SLC38A7: variants seen among roughly 807,000 people sequenced by gnomAD.
SLC38A7 encodes the protein solute carrier family 38 member 7.
A neutral mutation model predicts 50.1 loss-of-function variants in SLC38A7; 29 were observed. That is an observed-to-expected ratio of 0.58 (90% CI 0.43 to 0.79). The LOEUF (loss-of-function observed/expected upper bound fraction) is 0.79, where lower values mean the gene tolerates loss of function less well. SLC38A7 is among the 30% of genes least tolerant of loss of function. The pLI, the probability that SLC38A7 is intolerant of heterozygous loss-of-function variation, is 0.00. For missense variants in SLC38A7, 483 were observed against 610.6 expected (o/e 0.79, Z 2.20); for synonymous variants, 244 against 245.9 (o/e 0.99, Z 0.07).
At chr16:58,679,709 CTAGAA>C in intron 3 of SLC38A7, 143 bp downstream of exon 3, 1 of 1,060,254 alleles carries the variant, frequency 9.4e-7, no homozygotes, top group South Asian at 1.5e-5. Context: ...GGAAAGAATA[CTAGAA>C]TAGATTAGTC....
chr16:58,680,336 G>A, intron 2 of SLC38A7, 95 bp from the exon 3 acceptor site: 1 of 491,036 alleles, frequency 2.0e-6, no homozygotes, highest in Non-Finnish European at 3.4e-6. Flanking sequence ...ACATGGGTAG[G>A]GTCCAAACCC....
rs1008356836 is a variant in SLC38A7 at position 58,669,713 on chromosome 16, G to A, written c.1286+400C>T. ...AACCTGGCTGGGTGTGGTGGCTCAC[G>A]CCTGTAATGCCAGCACTTTGGGAGG... On this transcript the variant is annotated intron_variant, in intron 11 of 11. Coordinates refer to ENST00000219320, the MANE Select transcript of SLC38A7 (RefSeq NM_018231.3). 5.5e-4 allele frequency among the ~76,000 whole-genome samples: 64 copies of A among 117,340 alleles called. 1 individual carries two copies. Among genetic ancestry groups the A allele is most frequent in the African/African-American group, 1.8e-3 (59 of 32,158 alleles). 77.0% of individuals were successfully genotyped at this position (117,340 alleles called of 152,430 possible).
intron 2 of SLC38A7, among the ~76,000 whole-genome samples, chr16:58,680,802 C>T (rs2044373581): frequency 6.6e-6 from 1 of 152,160 alleles, no homozygotes; most frequent in Non-Finnish European, 1.5e-5. Flanking sequence ...AAATTCAGGC[C>T]AATTCTCGAC....
chr16:58,678,434 G>T lies in SLC38A7; in HGVS notation c.510C>A (p.Gly170=). The T allele has an allele frequency of 6.3e-7, 1 of 1,582,660 alleles. No individual in the cohort carries two copies. The highest frequency in any genetic ancestry group is 1.2e-5 in the South Asian group (1 of 86,316). Residue 170 remains glycine (G), a synonymous_variant, in exon 5 of 12, where the codon GGC becomes GGA. Transcript: ENST00000219320. The surrounding 1 kb of genome is among the most constrained non-coding windows in gnomAD (Gnocchi z 4.0). The part of the protein sequence containing the change: ...VMAKEPEGAS[G]PWYTDRKFTI... The stretch of plus-strand genomic sequence containing the variant: ...TGAACTTGCGGTCTGTGTACCAAGG[G>T]CCGCTGGCCCCCTCCGGCTCTTTCG...
In SLC38A7 at chr16:58,672,257, C is replaced by A. The variant is rs537669488; in HGVS notation, c.884-14G>T. ...AGCCACAGATGCCTGTGGGCAGGGA[C>A]AACTGGGTCAGGGCAACCCTGGGAG... On this transcript the variant is annotated splice_polypyrimidine_tract_variant and intron_variant, in intron 8 of 11. Transcript: ENST00000219320. The A allele has an allele frequency of 1.9e-6, 3 of 1,574,330 alleles. No homozygotes were observed. The highest frequency in any genetic ancestry group is 2.3e-5 in the East Asian group (1 of 42,896).
At chr16:58,682,449 C>T (rs2044411516) in intron 2 of SLC38A7, among the ~76,000 whole-genome samples, 2 of 152,024 alleles carry the variant, frequency 1.3e-5, no homozygotes, top group Non-Finnish European at 2.9e-5. Flanking sequence ...AATCTCTACT[C>T]CCTCCCTGGT....
At chr16:58,673,946 C>T (rs573061004) in intron 8 of SLC38A7, among the ~76,000 whole-genome samples, 5 of 152,078 alleles carry the variant, frequency 3.3e-5, no homozygotes, top group Non-Finnish European at 7.4e-5. Flanking sequence ...ATGCCTTAGC[C>T]TCCCGAGTAG....
At chr16:58,679,006 A>C in intron 3 of SLC38A7, 112 bp from the exon 4 acceptor site, 443 of 1,063,742 alleles carry the variant, frequency 4.2e-4, no homozygotes, top group Non-Finnish European at 5.4e-4. Context: ...GGCAAATCTC[A>C]CAAAGGCAAT....
chr16:58,672,305 T>G, intron 8 of SLC38A7, 62 bp from the exon 9 acceptor site: 1 of 1,497,562 alleles, frequency 6.7e-7, no homozygotes, highest in East Asian at 2.5e-5. Flanking sequence ...GACTGTCCAC[T>G]CCTCCTAGGA....
At position 58,675,920 on chromosome 16, in the gene SLC38A7, T is replaced by TGG. The variant is rs34833577; in HGVS notation, c.883+18_883+19dup. 600 of 1,504,308 alleles carry TGG rather than the reference T, an allele frequency of 4.0e-4. No individual in the cohort carries two copies. Among genetic ancestry groups the TGG allele is most frequent in the South Asian group, 1.0e-3 (87 of 83,594 alleles). The allele number at this position is 1,504,308 out of a possible 1,614,324, so 93.2% of individuals were successfully genotyped here. A position where few individuals can be genotyped will look rare whatever the true frequency, so the allele number is the denominator to read the frequency against. ...GTGAGAGCACTCTAGTCCCAGGTCT[T>TGG]GGGGGGGGGGAGCACTCACCTGTCC... On this transcript the variant is annotated intron_variant, in intron 8 of 11. Coordinates refer to ENST00000219320, the MANE Select transcript of SLC38A7 (RefSeq NM_018231.3).
At chr16:58,675,203 C>A in intron 8 of SLC38A7, 1 of 316,122 alleles carries the variant, frequency 3.2e-6, no homozygotes, top group South Asian at 2.7e-5. Context: ...CCATCCAGTC[C>A]CATTCATACC....
chr16:58,683,329 T>A (rs7195577), intron 2 of SLC38A7, among the ~76,000 whole-genome samples: 1 of 152,018 alleles, frequency 6.6e-6, no homozygotes, highest in Non-Finnish European at 1.5e-5. Context: ...TACTTCCCAT[T>A]GCTCCTCCTG....
intron 8 of SLC38A7, chr16:58,675,308 A>C (rs1378671103): frequency 2.4e-6 from 1 of 425,322 alleles, no homozygotes; most frequent in Non-Finnish European, 4.6e-6. Context: ...GGAATTCAAG[A>C]CCAGGCTAGG....
At chr16:58,674,311 C>G (rs1051570981) in intron 8 of SLC38A7, among the ~76,000 whole-genome samples, 5 of 152,164 alleles carry the variant, frequency 3.3e-5, no homozygotes, top group Non-Finnish European at 7.3e-5. Context: ...GGGTCTCACT[C>G]TGTTGCCCAG....
chr16:58,668,420 C>T (rs529507221), intron 11 of SLC38A7, among the ~76,000 whole-genome samples: 10 of 152,312 alleles, frequency 6.6e-5, no homozygotes, highest in African/African-American at 2.4e-4. Context: ...ACCAAAAATA[C>T]AAAAATTAGC....
Position 58,678,449 on chromosome 16 carries a change from C to T in SLC38A7, c.495G>A (p.Pro165=), listed in dbSNP as rs367748709. The change falls in exon 5 of 12, where the codon CCG becomes CCA. Residue 165 remains proline (P), a synonymous_variant. Coordinates refer to ENST00000219320, the MANE Select transcript of SLC38A7 (RefSeq NM_018231.3). The surrounding 1 kb of genome is among the most constrained non-coding windows in gnomAD (Gnocchi z 4.0). ...TGTACCAAGGGCCGCTGGCCCCCTC[C>T]GGCTCTTTCGCCATCACAGCTATAA... is the stretch of plus-strand genomic sequence containing the variant. ...DKIIAVMAKE[P]EGASGPWYTD... 32 of 1,564,484 alleles carry T rather than the reference C, an allele frequency of 2.0e-5. No individual in the cohort carries two copies. Among genetic ancestry groups the T allele is most frequent in the East Asian group, 1.4e-4 (6 of 44,406 alleles).
At chr16:58,676,428 C>T in intron 6 of SLC38A7, 82 bp from the exon 7 acceptor site, 1 of 1,462,898 alleles carries the variant, frequency 6.8e-7, no homozygotes, top group Non-Finnish European at 9.6e-7. Flanking sequence ...CTTCGGTCAG[C>T]CCACCATGGT....
At chr16:58,669,377 A>G (rs1414145421) in intron 11 of SLC38A7, among the ~76,000 whole-genome samples, 1 of 151,996 alleles carries the variant, frequency 6.6e-6, no homozygotes, top group Non-Finnish European at 1.5e-5. Flanking sequence ...GGCCTCCCAA[A>G]GTGCTGGGAT....
chr16:58,673,768 T>C (rs1037834219), intron 8 of SLC38A7, among the ~76,000 whole-genome samples: 2 of 151,270 alleles, frequency 1.3e-5, no homozygotes, highest in African/African-American at 4.9e-5. Flanking sequence ...TAGACTCAAG[T>C]TCCTCCTGAC....
Sources: allele counts gnomAD v4.1 joint callset (sites outside exome capture counted in the v4.1 genomes callset), GRCh38; gene constraint gnomAD v4.1.1; non-coding constraint Gnocchi (gnomAD v3.1); transcripts MANE v1.5; gene names NCBI Gene and HGNC (gene_info 2026-07-23, HGNC 2026-07-21).